The following SLC9A9 variants were observed in gnomAD, a reference collection of about 807,000 sequenced individuals.
SLC9A9 encodes the protein sodium/hydrogen exchanger 9.
Under a neutral mutation model 77.8 loss-of-function variants are expected in SLC9A9, and 62 were observed. The observed-to-expected ratio is 0.80, with a 90% confidence interval of 0.65 to 0.98. The LOEUF (loss-of-function observed/expected upper bound fraction) is 0.98. SLC9A9 is among the 50% of genes least tolerant of loss of function. SLC9A9 has a pLI of 0.00. For missense variants in SLC9A9, 775 were observed against 774.9 expected, an observed-to-expected ratio of 1.00 and a Z score of 0.00; for synonymous variants, 320 against 283.5, an observed-to-expected ratio of 1.13 and a Z score of -1.29.
chr3:143,419,281 A>C (rs768425280), intron 12 of SLC9A9, among the ~76,000 whole-genome samples: 3 of 152,206 alleles, frequency 2.0e-5, no homozygotes, highest in Non-Finnish European at 4.4e-5. Flanking sequence ...CTTATTTCTC[A>C]CAACAATCCC....
At chr3:143,665,865 G>A (rs1576644846) in intron 5 of SLC9A9, among the ~76,000 whole-genome samples, 2 of 152,236 alleles carry the variant, frequency 1.3e-5, no homozygotes, top group East Asian at 3.9e-4. Context: ...AAAAAGTCCG[G>A]GACCAGATGG....
intron 6 of SLC9A9, among the ~76,000 whole-genome samples, chr3:143,606,436 C>CTCTCTATATGTA (rs1419410834): frequency 1.8e-5 from 1 of 54,188 alleles, no homozygotes; most frequent in Admixed American, 2.5e-4. Flanking sequence ...CTCTCTCTCT[C>CTCTCTATATGTA]TATATATATA....
At chr3:143,821,910 A>G (rs950915178) in intron 2 of SLC9A9, among the ~76,000 whole-genome samples, 8 of 152,202 alleles carry the variant, frequency 5.3e-5, no homozygotes, top group African/African-American at 1.9e-4. Flanking sequence ...TGCGGGGGTC[A>G]GTGTGCCCGG....
intron 6 of SLC9A9, among the ~76,000 whole-genome samples, chr3:143,613,719 C>CTT (rs11294186): frequency 6.7e-6 from 1 of 148,438 alleles, no homozygotes; most frequent in Non-Finnish European, 1.5e-5. Context: ...ACATGCCTCT[C>CTT]TTTTTTTTTT....
intron 4 of SLC9A9, among the ~76,000 whole-genome samples, chr3:143,699,095 A>G (rs1933723127): frequency 1.3e-5 from 2 of 152,184 alleles, no homozygotes; most frequent in South Asian, 4.1e-4. Context: ...TCCCTCTCAG[A>G]ACTCATAAAC....
At chr3:143,389,399 G>T (rs1003434365) in intron 12 of SLC9A9, among the ~76,000 whole-genome samples, 6 of 152,160 alleles carry the variant, frequency 3.9e-5, no homozygotes, top group Admixed American at 3.3e-4. Flanking sequence ...TACATGAAGC[G>T]GTGGTGAGGG....
chr3:143,301,375 G>A (rs2030507510), intron 14 of SLC9A9, among the ~76,000 whole-genome samples: 1 of 152,222 alleles, frequency 6.6e-6, no homozygotes, highest in African/African-American at 2.4e-5. Context: ...GCACCCCAGA[G>A]CTGCAGAGAA....
chr3:143,279,268 T>G (rs1938146297), intron 14 of SLC9A9, among the ~76,000 whole-genome samples: 1 of 152,186 alleles, frequency 6.6e-6, no homozygotes. Flanking sequence ...GAGGCACTGC[T>G]CATTGTTTCA....
At chr3:143,536,698 C>T (rs1029994601) in intron 9 of SLC9A9, among the ~76,000 whole-genome samples, 3 of 152,180 alleles carry the variant, frequency 2.0e-5, no homozygotes, top group African/African-American at 7.2e-5. Flanking sequence ...TGGGTAATGT[C>T]TTAGAAACAC....
chr3:143,457,953 G>C (rs994596563), intron 12 of SLC9A9, among the ~76,000 whole-genome samples: 7 of 152,124 alleles, frequency 4.6e-5, no homozygotes, highest in Admixed American at 2.6e-4. Context: ...ATTAAATGCA[G>C]CTGGTTGTTA....
chr3:143,706,745 C>A lies in SLC9A9; in HGVS notation c.534-13438G>T, dbSNP rs77178467. 6.0e-3 allele frequency among the ~76,000 whole-genome samples: 910 copies of A among 152,290 alleles called. 8 individuals are homozygous for A. The highest frequency in any genetic ancestry group is 0.021 in the African/African-American group (859 of 41,554). ...CCACAGCCCACAGGCCACATACAGC[C>A]CAGGATAGCTTTGAATGTGGTCCAA... is the stretch of plus-strand genomic sequence containing the variant. On this transcript the variant is annotated intron_variant, in intron 4 of 15. Transcript: ENST00000316549.
At chr3:143,718,566 C>G (rs1433031152) in intron 4 of SLC9A9, among the ~76,000 whole-genome samples, 2 of 152,192 alleles carry the variant, frequency 1.3e-5, no homozygotes, top group Admixed American at 1.3e-4. Flanking sequence ...CTGAAACCCT[C>G]ATGGAGTGAA....
chr3:143,373,155 A>G (rs2033094876), intron 13 of SLC9A9, among the ~76,000 whole-genome samples: 1 of 152,212 alleles, frequency 6.6e-6, no homozygotes, highest in Non-Finnish European at 1.5e-5. Context: ...GCACATGTAT[A>G]TTTATTGCAA....
intron 12 of SLC9A9, among the ~76,000 whole-genome samples, chr3:143,409,466 G>T (rs906013875): frequency 2.0e-5 from 3 of 152,166 alleles, no homozygotes; most frequent in Non-Finnish European, 4.4e-5. Context: ...CACCAGAAAA[G>T]CTTAAAATCT....
chr3:143,837,613 C>T (rs1193887932), intron 1 of SLC9A9, among the ~76,000 whole-genome samples: 1 of 152,134 alleles, frequency 6.6e-6, no homozygotes, highest in African/African-American at 2.4e-5. Flanking sequence ...TTGTTTACCC[C>T]ACAAAGCTCT....
At chr3:143,736,136 A>C (rs1328123104) in intron 4 of SLC9A9, among the ~76,000 whole-genome samples, 1 of 152,166 alleles carries the variant, frequency 6.6e-6, no homozygotes, top group Non-Finnish European at 1.5e-5. Flanking sequence ...ACAATTCTTT[A>C]AAACCTATGT....
chr3:143,690,365 T>G (rs1329803414), intron 5 of SLC9A9, among the ~76,000 whole-genome samples: 1 of 152,026 alleles, frequency 6.6e-6, no homozygotes, highest in Non-Finnish European at 1.5e-5. Context: ...TAAAAAAAGG[T>G]CTAAAAACAA....
chr3:143,439,075 G>C (rs1419163296), intron 12 of SLC9A9, among the ~76,000 whole-genome samples: 2 of 152,200 alleles, frequency 1.3e-5, no homozygotes, highest in Admixed American at 6.5e-5. Flanking sequence ...AGCAGTGTCT[G>C]TACCCTGGAG....
At chr3:143,613,901 A>C (rs1210734263) in intron 6 of SLC9A9, among the ~76,000 whole-genome samples, 1 of 152,214 alleles carries the variant, frequency 6.6e-6, no homozygotes, top group Non-Finnish European at 1.5e-5. Context: ...CATTCTAGAA[A>C]AAAATAGCTC....
Sources: allele counts gnomAD v4.1 joint callset (sites outside exome capture counted in the v4.1 genomes callset), GRCh38; gene constraint gnomAD v4.1.1; transcripts MANE v1.5; gene names NCBI Gene and HGNC (gene_info 2026-07-23, HGNC 2026-07-21).